AGTPBP1: variants seen among roughly 807,000 people sequenced by gnomAD.
The protein encoded by AGTPBP1 is cytosolic carboxypeptidase 1.
Under a neutral mutation model 143.9 loss-of-function variants are expected in AGTPBP1, and 70 were observed. That is an observed-to-expected ratio of 0.49 (90% CI 0.40 to 0.59). The LOEUF (loss-of-function observed/expected upper bound fraction) is 0.59. Ranked by LOEUF, AGTPBP1 falls within the 20% of genes least tolerant of loss-of-function variation. The probability of loss-of-function intolerance (pLI) is 0.00; values close to 1 mark genes in which losing one functional copy is unlikely to be tolerated. For synonymous variants in AGTPBP1, 463 were observed against 500.2 expected (o/e 0.93, Z 0.99); for missense variants, 1,229 against 1,464.5 (o/e 0.84, Z 2.62).
intron 20 of AGTPBP1, 91 bp downstream of exon 20, chr9:85,589,437 T>G (rs761554170): frequency 7.5e-6 from 11 of 1,467,834 alleles, no homozygotes; most frequent in Non-Finnish European, 1.0e-5. Context: ...CTGATGTCTG[T>G]TCCTATTATC....
upstream of AGTPBP1, chr9:85,742,084 C>T (rs1054137734): frequency 2.7e-6 from 3 of 1,105,896 alleles, no homozygotes; most frequent in African/African-American, 3.3e-5. Flanking sequence ...AGCGCACGCC[C>T]TCTTCCCGCC....
chr9:85,698,397 A>G (rs953031361), intron 2 of AGTPBP1, among the ~76,000 whole-genome samples: 2 of 152,168 alleles, frequency 1.3e-5, no homozygotes, highest in African/African-American at 4.8e-5. Flanking sequence ...ATTTTCATCT[A>G]CAGAAGGAAA....
the AGTPBP1 span, among the ~76,000 whole-genome samples, chr9:85,759,884 A>G: frequency 6.6e-6 from 1 of 152,206 alleles, no homozygotes; most frequent in Non-Finnish European, 1.5e-5. Flanking sequence ...AGACTAATAA[A>G]GAAGAAAAGA....
chr9:85,780,646 T>G, the AGTPBP1 span, among the ~76,000 whole-genome samples: 1 of 152,228 alleles, frequency 6.6e-6, no homozygotes, highest in East Asian at 1.9e-4. Flanking sequence ...AAAAATCTTA[T>G]GAAAGTGTGA....
At chr9:85,551,012 A>G (rs1434270663) in intron 25 of AGTPBP1, among the ~76,000 whole-genome samples, 1 of 151,750 alleles carries the variant, frequency 6.6e-6, no homozygotes, top group Non-Finnish European at 1.5e-5. Context: ...ATGAGTTTTC[A>G]CTCTGTGTTC....
In AGTPBP1 at chr9:85,621,300, G is replaced by C. The variant is rs755310216; in HGVS notation, c.2016-15C>G. Reference sequence around the variant, plus strand: ...CAATTTTTGTCCTGAAATCATAAAGGTTTAACCAAAATATATTATTATACA... The same window carrying C: ...CAATTTTTGTCCTGAAATCATAAAGCTTTAACCAAAATATATTATTATACA... On this transcript the variant is annotated splice_polypyrimidine_tract_variant and intron_variant, in intron 14 of 25. Coordinates refer to ENST00000357081, the MANE Select transcript of AGTPBP1 (RefSeq NM_001330701.2). 1 of 1,330,896 alleles carries C rather than the reference G, an allele frequency of 7.5e-7. No individual in the cohort carries two copies. 82.4% of individuals were successfully genotyped at this position (1,330,896 alleles called of 1,614,324 possible).
intron 1 of AGTPBP1, among the ~76,000 whole-genome samples, chr9:85,724,661 C>A (rs1418233217): frequency 6.6e-6 from 1 of 152,166 alleles, no homozygotes; most frequent in Non-Finnish European, 1.5e-5. Flanking sequence ...TCTAAGACTT[C>A]ACTGGCCACT....
At chr9:85,769,242 A>T in the AGTPBP1 span, among the ~76,000 whole-genome samples, 1 of 152,120 alleles carries the variant, frequency 6.6e-6, no homozygotes, top group South Asian at 2.1e-4. Context: ...GGGTGTGCAG[A>T]TGGACAAGAT....
the AGTPBP1 span, among the ~76,000 whole-genome samples, chr9:85,750,104 G>C: frequency 6.6e-6 from 1 of 152,042 alleles, no homozygotes; most frequent in Non-Finnish European, 1.5e-5. Flanking sequence ...GGATGGTCTT[G>C]ATCTCCTGAC....
intron 2 of AGTPBP1, among the ~76,000 whole-genome samples, chr9:85,697,643 G>A (rs546528012): frequency 2.0e-5 from 3 of 151,582 alleles, no homozygotes; most frequent in East Asian, 1.9e-4. Flanking sequence ...TAGTAGAAAC[G>A]GGGTTTCACT....
the AGTPBP1 span, among the ~76,000 whole-genome samples, chr9:85,765,301 T>A: frequency 6.6e-6 from 1 of 152,310 alleles, no homozygotes; most frequent in African/African-American, 2.4e-5. Context: ...TCTTGAAGGA[T>A]ACTAGGTAAT....
chr9:85,763,505 G>A, the AGTPBP1 span, among the ~76,000 whole-genome samples: 1 of 151,718 alleles, frequency 6.6e-6, no homozygotes, highest in Admixed American at 6.6e-5. Context: ...AAAAAAAGTT[G>A]TATCAAAACA....
chr9:85,773,058 G>A, the AGTPBP1 span, among the ~76,000 whole-genome samples: 2 of 151,928 alleles, frequency 1.3e-5, no homozygotes, highest in South Asian at 4.1e-4. Flanking sequence ...GAGGTCAGGA[G>A]ATCGAGACCA....
At chr9:85,793,301 A>G in the AGTPBP1 span, 1 of 152,220 alleles carries the variant, frequency 6.6e-6, no homozygotes, top group Non-Finnish European at 1.5e-5. Context: ...ACTATAATAC[A>G]AGAAGTTAAT....
intron 25 of AGTPBP1, among the ~76,000 whole-genome samples, chr9:85,566,670 G>C (rs1564015064): frequency 6.6e-6 from 1 of 151,536 alleles, no homozygotes. Context: ...ATAGAAATAA[G>C]ATATATATCT....
chr9:85,692,298 C>T (rs866529115), intron 3 of AGTPBP1, among the ~76,000 whole-genome samples: 4 of 144,736 alleles, frequency 2.8e-5, no homozygotes, highest in South Asian at 2.2e-4. Context: ...TTTTATGAGA[C>T]GGAGTCTTGC....
At chr9:85,742,651 C>A (rs1376705535), upstream of AGTPBP1, among the ~76,000 whole-genome samples, 1 of 152,152 alleles carries the variant, frequency 6.6e-6, no homozygotes, top group Non-Finnish European at 1.5e-5. Context: ...TGCATATAAT[C>A]AAAACGGTAA....
At chr9:85,558,045 A>AAT (rs1208773831) in intron 25 of AGTPBP1, among the ~76,000 whole-genome samples, 2 of 152,236 alleles carry the variant, frequency 1.3e-5, no homozygotes, top group Non-Finnish European at 2.9e-5. Context: ...GTTAAAACAA[A>AAT]ATATAACTAA....
At chr9:85,773,851 G>A in the AGTPBP1 span, 9 of 1,604,516 alleles carry the variant, frequency 5.6e-6, no homozygotes, top group Admixed American at 1.7e-5. Flanking sequence ...GTGAATTTGC[G>A]AGAAGCTGAA....
Sources: gnomAD v4.1 joint callset for allele counts (sites outside exome capture counted in the v4.1 genomes callset) on GRCh38, gnomAD v4.1.1 for gene constraint, MANE v1.5 for transcripts, NCBI Gene and HGNC (gene_info 2026-07-23, HGNC 2026-07-21) for gene names.